Variants in TRIQK observed in about 807,000 individuals in gnomAD.
TRIQK encodes triple QxxK/R motif containing.
Under a neutral mutation model 10.8 loss-of-function variants are expected in TRIQK, and 10 were observed. That is an observed-to-expected ratio of 0.92 (90% CI 0.57 to 1.57). TRIQK has a LOEUF of 1.57. Ranked by LOEUF, TRIQK falls within the 40% of genes most tolerant of loss-of-function variation. The probability of loss-of-function intolerance (pLI) is 0.00; values close to 1 mark genes in which losing one functional copy is unlikely to be tolerated. For missense variants in TRIQK, 107 were observed against 97.7 expected, an observed-to-expected ratio of 1.09 and a Z score of -0.40; for synonymous variants, 33 against 33.7, an observed-to-expected ratio of 0.98 and a Z score of 0.07.
At chr8:92,917,032 TG>T in intron 2 of TRIQK, 22 bp from the exon 3 acceptor site, 1 of 1,438,230 alleles carries the variant, frequency 7.0e-7, no homozygotes, top group South Asian at 1.5e-5. Context: ...ACAATTATAA[TG>T]AAAATTTTTT....
At chr8:92,897,326 A>T (rs1808662636) in intron 3 of TRIQK, among the ~76,000 whole-genome samples, 1 of 152,216 alleles carries the variant, frequency 6.6e-6, no homozygotes, top group Non-Finnish European at 1.5e-5. Context: ...CATTGTAAGA[A>T]GGACATGAAC....
At chr8:92,891,215 A>G (rs899198851) in intron 4 of TRIQK, among the ~76,000 whole-genome samples, 25 of 151,916 alleles carry the variant, frequency 1.6e-4, no homozygotes, top group African/African-American at 6.0e-4. Flanking sequence ...GCTGTAAGCT[A>G]TAACTTAGAA....
intron 2 of TRIQK, among the ~76,000 whole-genome samples, chr8:92,923,179 T>G (rs1257229785): frequency 6.6e-6 from 1 of 151,830 alleles, no homozygotes; most frequent in Non-Finnish European, 1.5e-5. Context: ...TTCTGACTTT[T>G]CTTTGTTCTT....
chr8:92,894,952 G>A (rs1808514361), intron 3 of TRIQK, among the ~76,000 whole-genome samples: 1 of 152,126 alleles, frequency 6.6e-6, no homozygotes, highest in South Asian at 2.1e-4. Context: ...GTGGTTTAAT[G>A]TGTCCCCCAA....
At chr8:92,930,717 CAA>C (rs759143612) in intron 2 of TRIQK, among the ~76,000 whole-genome samples, 29 of 151,990 alleles carry the variant, frequency 1.9e-4, no homozygotes, top group Non-Finnish European at 1.9e-4. Flanking sequence ...CCTGATGAGA[CAA>C]AGAGTAATTG....
intron 1 of TRIQK, among the ~76,000 whole-genome samples, chr8:93,013,894 G>A (rs1215501624): frequency 1.3e-5 from 2 of 152,030 alleles, no homozygotes; most frequent in Non-Finnish European, 2.9e-5. Context: ...AGCTTCCAAG[G>A]ATTTATTATA....
Position 92,886,481 on chromosome 8 carries a change from A to T in TRIQK, c.*141T>A. 1.8e-6 allele frequency: 1 copy of T among 567,756 alleles called. No homozygotes were observed. Among genetic ancestry groups the T allele is most frequent in the East Asian group, 3.0e-5 (1 of 33,308 alleles). 35.2% of individuals were successfully genotyped at this position (567,756 alleles called of 1,614,324 possible). On this transcript the variant is annotated 3_prime_UTR_variant, in exon 5 of 5. Coordinates refer to ENST00000521988, the MANE Select transcript of TRIQK (RefSeq NM_001171797.2). ...AGGTTCTTTTCCTGACATCCTATGC[A>T]ACTATCAAAAATCATATGTCTGCAA... is the stretch of plus-strand genomic sequence containing the variant.
chr8:93,011,947 G>A (rs1320691221), intron 1 of TRIQK, among the ~76,000 whole-genome samples: 2 of 152,178 alleles, frequency 1.3e-5, no homozygotes, highest in Non-Finnish European at 2.9e-5. Flanking sequence ...AGATGCAGAT[G>A]TTGAGAGTAC....
intron 1 of TRIQK, among the ~76,000 whole-genome samples, chr8:92,988,000 C>CTTTTTTTT (rs549776227): frequency 3.5e-5 from 2 of 57,580 alleles, no homozygotes; most frequent in Non-Finnish European, 3.0e-5. Flanking sequence ...TTTATACTTT[C>CTTTTTTTT]TTTTTTTTTT....
At chr8:92,905,010 T>A (rs907524083) in intron 3 of TRIQK, among the ~76,000 whole-genome samples, 1 of 152,030 alleles carries the variant, frequency 6.6e-6, no homozygotes, top group Admixed American at 6.6e-5. Context: ...AAAACAACAC[T>A]CACAACTTGA....
At chr8:92,968,645 GTTGT>G (rs1370048996), upstream of TRIQK, among the ~76,000 whole-genome samples, 1 of 152,038 alleles carries the variant, frequency 6.6e-6, no homozygotes, top group Non-Finnish European at 1.5e-5. Context: ...TTTTGATGCG[GTTGT>G]TTGTTTTTTT....
Position 93,007,566 on chromosome 8 carries a change from A to G in TRIQK, c.-181+10043T>C, listed in dbSNP as rs143842313. ...CAGAAGTAGGCTTCAGAAGGTGGAT[A>G]ATAAAAAACTTTGCTGAGTTAAAGG... On this transcript the variant is annotated intron_variant, in intron 1 of 4. Transcript: ENST00000520686. Among the ~76,000 whole-genome samples the G allele has an allele frequency of 1.4e-4, 22 of 152,340 alleles. No individual in the cohort carries two copies. The East Asian group carries it at 4.2e-3, about 29-fold the overall frequency.
chr8:92,901,294 G>C (rs1808924739), intron 3 of TRIQK, among the ~76,000 whole-genome samples: 3 of 152,094 alleles, frequency 2.0e-5, no homozygotes, highest in Non-Finnish European at 4.4e-5. Flanking sequence ...AATAACGGGG[G>C]TGGAAAGTGA....
chr8:92,943,242 T>C (rs928157353), intron 2 of TRIQK, among the ~76,000 whole-genome samples: 4 of 152,154 alleles, frequency 2.6e-5, no homozygotes, highest in Non-Finnish European at 5.9e-5. Context: ...AAATGTCTGT[T>C]TTACTCAAAA....
intron 2 of TRIQK, among the ~76,000 whole-genome samples, chr8:92,932,391 T>C (rs1014340948): frequency 2.0e-5 from 3 of 152,310 alleles, no homozygotes; most frequent in Non-Finnish European, 4.4e-5. Flanking sequence ...TTTTTGTTTG[T>C]TTTAACTAAA....
intron 1 of TRIQK, among the ~76,000 whole-genome samples, chr8:92,975,084 A>G (rs1467493880): frequency 6.6e-6 from 1 of 152,150 alleles, no homozygotes; most frequent in African/African-American, 2.4e-5. Flanking sequence ...AGGAACTCCC[A>G]CAATCAAGGA....
At chr8:92,985,249 C>A (rs950123719) in intron 1 of TRIQK, among the ~76,000 whole-genome samples, 1 of 152,172 alleles carries the variant, frequency 6.6e-6, no homozygotes, top group Non-Finnish European at 1.5e-5. Context: ...TGCACGCGCA[C>A]GCATGCACAT....
chr8:92,922,180 TTAC>T (rs1025442121), intron 2 of TRIQK: 3 of 151,742 alleles, frequency 2.0e-5, no homozygotes, highest in African/African-American at 7.2e-5. Flanking sequence ...TTCTATAGTC[TTAC>T]TTCTTATAAT....
intron 2 of TRIQK, among the ~76,000 whole-genome samples, chr8:92,944,442 A>G (rs968206869): frequency 1.3e-5 from 2 of 152,238 alleles, no homozygotes; most frequent in Non-Finnish European, 2.9e-5. Flanking sequence ...ACAATAGCCA[A>G]GAGATGAAAT....
Sources: allele counts gnomAD v4.1 joint callset (sites outside exome capture counted in the v4.1 genomes callset), GRCh38; gene constraint gnomAD v4.1.1; transcripts MANE v1.5; gene names NCBI Gene and HGNC (gene_info 2026-07-23, HGNC 2026-07-21).